Variants in FGF9 observed in about 807,000 individuals in gnomAD.
FGF9 encodes the protein fibroblast growth factor 9.
Under a neutral mutation model 19.9 loss-of-function variants are expected in FGF9, and 3 were observed. That is an observed-to-expected ratio of 0.15 (90% CI 0.07 to 0.39). The LOEUF is 0.39. Ranked by LOEUF, FGF9 falls within the 10% of genes least tolerant of loss-of-function variation. The pLI, the probability that FGF9 is intolerant of heterozygous loss-of-function variation, is 1.00. For synonymous variants in FGF9, 107 were observed against 106.9 expected (o/e 1.00, Z -0.01); for missense variants, 175 against 256.8 (o/e 0.68, Z 2.18).
At chr13:21,677,775 A>G (rs1179695055) in intron 1 of FGF9, among the ~76,000 whole-genome samples, 2 of 152,162 alleles carry the variant, frequency 1.3e-5, no homozygotes, top group Non-Finnish European at 2.9e-5. Context: ...TGACGTCTCT[A>G]TTTTTAAGGA....
intron 2 of FGF9, among the ~76,000 whole-genome samples, chr13:21,698,125 T>C (rs1872457308): frequency 6.6e-6 from 1 of 152,164 alleles, no homozygotes; most frequent in Non-Finnish European, 1.5e-5. Context: ...AAGACTCTTT[T>C]TACTATGCTT....
Position 21,702,001 on chromosome 13 carries a change from T to TA in FGF9, c.*572dup. The TA allele has an allele frequency of 6.6e-6, 1 of 151,348 alleles. No homozygotes were observed. The highest frequency in any genetic ancestry group is 1.5e-5 in the Non-Finnish European group (1 of 67,818). 9.4% of individuals were successfully genotyped at this position (151,348 alleles called of 1,614,324 possible). On this transcript the variant is annotated 3_prime_UTR_variant, in exon 3 of 3. Transcript: ENST00000382353. ...CCTCTTAGTAAAAAATAAAAAAAAA[T>TA]AAAAAATAAAAATAAAAAAAGTTAA...
At chr13:21,683,471 C>G (rs1400394193) in intron 2 of FGF9, among the ~76,000 whole-genome samples, 1 of 152,226 alleles carries the variant, frequency 6.6e-6, no homozygotes, top group Non-Finnish European at 1.5e-5. Flanking sequence ...CTTAGGTTTT[C>G]TGTGACTCCT....
At position 21,685,686 on chromosome 13, in the gene FGF9, C is replaced by T. The variant is rs1035350172; in HGVS notation, c.381+4541C>T. Among the ~76,000 whole-genome samples, 5 of 152,186 alleles carry T rather than the reference C, an allele frequency of 3.3e-5. No homozygotes were observed. In the South Asian group the frequency reaches 6.2e-4, roughly 19 times the overall value. ...CAAAGCAATGAAACAGATAGCTATA[C>T]TTGTAAATAATTCAGGGCAGTGTGA... On this transcript the variant is annotated intron_variant, in intron 2 of 2. Transcript: ENST00000382353.
chr13:21,682,065 G>A (rs1226501756), intron 2 of FGF9, among the ~76,000 whole-genome samples: 6 of 150,372 alleles, frequency 4.0e-5, no homozygotes, highest in Admixed American at 1.3e-4. Context: ...CTAGAGTGCA[G>A]TGGTGTAATC....
chr13:21,687,664 A>G (rs1872192796), intron 2 of FGF9, among the ~76,000 whole-genome samples: 1 of 152,146 alleles, frequency 6.6e-6, no homozygotes, highest in South Asian at 2.1e-4. Flanking sequence ...ACTTCTTCCT[A>G]TGTGAGTTCC....
Position 21,691,726 on chromosome 13 carries a change from A to G in FGF9, c.382-9464A>G, listed in dbSNP as rs567481868. Among the ~76,000 whole-genome samples the G allele has an allele frequency of 4.0e-5, 6 of 151,412 alleles. No individual in the cohort carries two copies. The East Asian group carries it at 1.2e-3, about 29-fold the overall frequency. On this transcript the variant is annotated intron_variant, in intron 2 of 2. Transcript: ENST00000382353. This position sits in a 1 kb window ranked among gnomAD's most constrained non-coding sequence, Gnocchi z 4.2. ...TGGCCTGGTCGCCTCACCCCTCCCG[A>G]CTCCCCCTCACCAGGGACTGACTTG...
Position 21,701,363 on chromosome 13 carries a change from A to G in FGF9, c.555A>G (p.Thr185=). The G allele has an allele frequency of 6.2e-7, 1 of 1,614,098 alleles. No homozygotes were observed. Residue 185 remains threonine (T), a synonymous_variant, in exon 3 of 3, where the codon ACA becomes ACG. Coordinates refer to ENST00000382353, the MANE Select transcript of FGF9 (RefSeq NM_002010.3). ...GGACTAAACGGCACCAGAAATTCACACATTTTTTACCTAGACCAGTGGACC... is the reference window on the plus strand; with the variant it reads ...GGACTAAACGGCACCAGAAATTCACGCATTTTTTACCTAGACCAGTGGACC... ...GTRTKRHQKF[T]HFLPRPVDPD... is the part of the protein sequence containing the mutation.
intron 1 of FGF9, among the ~76,000 whole-genome samples, chr13:21,674,418 C>G (rs1048782341): frequency 3.9e-5 from 6 of 151,934 alleles, no homozygotes; most frequent in Admixed American, 1.3e-4. Flanking sequence ...AACCGCTTTC[C>G]GAGAGCAGAG....
intron 2 of FGF9, among the ~76,000 whole-genome samples, chr13:21,686,731 G>A (rs529789717): frequency 2.6e-5 from 4 of 152,216 alleles, no homozygotes; most frequent in Non-Finnish European, 4.4e-5. Context: ...TTGGCACATG[G>A]TAAATGTTTG....
intron 1 of FGF9, among the ~76,000 whole-genome samples, chr13:21,674,776 C>G (rs1309536975): frequency 6.6e-6 from 1 of 151,390 alleles, no homozygotes; most frequent in Non-Finnish European, 1.5e-5. Context: ...CATTAGAAAT[C>G]CCGTAACTCT....
At chr13:21,701,045 G>T in intron 2 of FGF9, 145 bp from the exon 3 acceptor site, 4 of 626,124 alleles carry the variant, frequency 6.4e-6, no homozygotes, top group South Asian at 4.0e-5. Flanking sequence ...TAGTTCTGGG[G>T]TACATGTGTA....
chr13:21,690,729 T>A (rs992380082), intron 2 of FGF9, among the ~76,000 whole-genome samples: 2 of 152,198 alleles, frequency 1.3e-5, no homozygotes, highest in African/African-American at 4.8e-5. Context: ...CCAGCTGAGG[T>A]TGAAGAAGAT....
intron 1 of FGF9, among the ~76,000 whole-genome samples, chr13:21,675,520 T>A (rs556139626): frequency 6.6e-6 from 1 of 151,830 alleles, no homozygotes; most frequent in East Asian, 2.0e-4. Flanking sequence ...GGGGCTGCGG[T>A]GCCCCGGCTC....
intron 2 of FGF9, among the ~76,000 whole-genome samples, chr13:21,693,521 A>C (rs1872339847): frequency 6.6e-6 from 1 of 152,146 alleles, no homozygotes; most frequent in Admixed American, 6.5e-5. Context: ...GCTTATGTCC[A>C]GCTGCTCCCC....
chr13:21,686,929 T>C (rs537144605), intron 2 of FGF9, among the ~76,000 whole-genome samples: 8 of 152,320 alleles, frequency 5.3e-5, no homozygotes, highest in South Asian at 2.1e-4. Flanking sequence ...CCAAAACTTG[T>C]AGATGCAGAG....
At chr13:21,680,092 G>A (rs1872008033) in intron 1 of FGF9, among the ~76,000 whole-genome samples, 2 of 152,138 alleles carry the variant, frequency 1.3e-5, no homozygotes, top group African/African-American at 2.4e-5. Context: ...CCCAGCTTAG[G>A]TGTTATTCTT....
intron 2 of FGF9, among the ~76,000 whole-genome samples, chr13:21,690,342 C>T (rs1872257566): frequency 6.6e-6 from 1 of 152,276 alleles, no homozygotes; most frequent in South Asian, 2.1e-4. Context: ...TTCACTCACA[C>T]ACACTGACTT....
intron 2 of FGF9, among the ~76,000 whole-genome samples, chr13:21,693,306 T>C (rs1434647265): frequency 2.0e-5 from 3 of 150,900 alleles, no homozygotes; most frequent in Non-Finnish European, 4.4e-5. Flanking sequence ...GCCCAAGGAG[T>C]GGGGAGGGTG....
Sources: gnomAD v4.1 joint callset for allele counts (sites outside exome capture counted in the v4.1 genomes callset) on GRCh38, gnomAD v4.1.1 for gene constraint, Gnocchi (gnomAD v3.1) non-coding constraint, MANE v1.5 for transcripts, NCBI Gene and HGNC (gene_info 2026-07-23, HGNC 2026-07-21) for gene names.